LYPD6: variants seen among roughly 807,000 people sequenced by gnomAD.
LYPD6 encodes LY6/PLAUR domain containing 6, also known as ly6/PLAUR domain-containing protein 6.
A neutral mutation model predicts 22.7 loss-of-function variants in LYPD6; 15 were observed. That is an observed-to-expected ratio of 0.66 (90% CI 0.44 to 1.02). The LOEUF (loss-of-function observed/expected upper bound fraction) is 1.02, where lower values mean the gene tolerates loss of function less well. Ranked by LOEUF, LYPD6 falls within the 50% of genes least tolerant of loss-of-function variation. The probability of loss-of-function intolerance (pLI) is 0.00; values close to 1 mark genes in which losing one functional copy is unlikely to be tolerated. For synonymous variants in LYPD6, 72 were observed against 77.5 expected, an observed-to-expected ratio of 0.93 and a Z score of 0.37; for missense variants, 189 against 208.4, an observed-to-expected ratio of 0.91 and a Z score of 0.57.
At chr2:149,468,818 G>C in intron 4 of LYPD6, 43 bp downstream of exon 4, 2 of 1,604,310 alleles carry the variant, frequency 1.2e-6, no homozygotes, top group Non-Finnish European at 1.7e-6. Context: ...ATAGCCAGCT[G>C]CCTTCTCTTC....
chr2:149,386,407 T>C (rs998209227), intron 1 of LYPD6, among the ~76,000 whole-genome samples: 1 of 152,172 alleles, frequency 6.6e-6, no homozygotes. Context: ...TCCTCTTACC[T>C]CAGCTGCTAG....
chr2:149,418,762 C>T (rs1683018495), intron 1 of LYPD6, among the ~76,000 whole-genome samples: 1 of 152,220 alleles, frequency 6.6e-6, no homozygotes, highest in African/African-American at 2.4e-5. Context: ...CACCCTTCTT[C>T]AGCACCCAGC....
chr2:149,369,191 G>A (rs556772190), intron 1 of LYPD6, among the ~76,000 whole-genome samples: 2 of 152,134 alleles, frequency 1.3e-5, no homozygotes, highest in South Asian at 4.2e-4. Context: ...GGTTCCCGGG[G>A]TTACAGGCCA....
chr2:149,453,201 C>T (rs899413246), intron 3 of LYPD6, among the ~76,000 whole-genome samples: 14 of 152,180 alleles, frequency 9.2e-5, no homozygotes, highest in Admixed American at 1.3e-4. Flanking sequence ...AATCACATTA[C>T]GTTAGGAGCC....
chr2:149,411,552 T>A (rs1391208686), intron 1 of LYPD6, among the ~76,000 whole-genome samples: 1 of 152,164 alleles, frequency 6.6e-6, no homozygotes, highest in East Asian at 1.9e-4. Flanking sequence ...TCAAATCCAT[T>A]TTGCTAGTTA....
downstream of LYPD6, among the ~76,000 whole-genome samples, chr2:149,478,537 C>A (rs7601058): frequency 0.19 from 29,085 of 151,964 alleles, 4,428 homozygotes; most frequent in African/African-American, 0.41. Flanking sequence ...GATCCACCTG[C>A]CTCAGCCTCC....
intron 1 of LYPD6, among the ~76,000 whole-genome samples, chr2:149,348,828 T>C (rs1335612272): frequency 1.3e-5 from 2 of 152,056 alleles, no homozygotes; most frequent in East Asian, 1.9e-4. Flanking sequence ...GGAGACTAAA[T>C]AAGAGGCTGT....
chr2:149,445,519 C>G (rs970648933), intron 2 of LYPD6, among the ~76,000 whole-genome samples: 4 of 152,200 alleles, frequency 2.6e-5, no homozygotes, highest in African/African-American at 4.8e-5. Flanking sequence ...GTGATCGTAA[C>G]TAGATTTTCT....
intron 3 of LYPD6, among the ~76,000 whole-genome samples, chr2:149,460,486 G>A (rs1280153383): frequency 2.0e-5 from 3 of 152,036 alleles, no homozygotes; most frequent in Non-Finnish European, 4.4e-5. Flanking sequence ...AAAAATATGT[G>A]CAACAGAATA....
At chr2:149,339,204 C>T (rs926085041) in intron 1 of LYPD6, among the ~76,000 whole-genome samples, 5 of 152,280 alleles carry the variant, frequency 3.3e-5, no homozygotes, top group East Asian at 1.9e-4. Context: ...CCAAAGACTA[C>T]GTATAACCAG....
intron 1 of LYPD6, among the ~76,000 whole-genome samples, chr2:149,353,193 G>C (rs16826894): frequency 6.6e-6 from 1 of 152,106 alleles, no homozygotes; most frequent in African/African-American, 2.4e-5. Flanking sequence ...GAAAATGCTC[G>C]TGAAGTTCAA....
At chr2:149,399,602 T>C (rs1456454529) in intron 1 of LYPD6, among the ~76,000 whole-genome samples, 1 of 151,402 alleles carries the variant, frequency 6.6e-6, no homozygotes, top group Non-Finnish European at 1.5e-5. Context: ...TGGAGTAAAC[T>C]ATTGGCCCAG....
intron 1 of LYPD6, among the ~76,000 whole-genome samples, chr2:149,418,221 A>G (rs1403290873): frequency 3.3e-5 from 5 of 152,212 alleles, no homozygotes; most frequent in Admixed American, 6.5e-5. Context: ...TTTCCAGGCA[A>G]TATGGAAATT....
chr2:149,446,317 C>T (rs553203478), intron 2 of LYPD6, among the ~76,000 whole-genome samples: 20 of 152,212 alleles, frequency 1.3e-4, no homozygotes, highest in African/African-American at 3.9e-4. Context: ...GAAGTGAGCA[C>T]GTGCAATTGG....
In LYPD6 at chr2:149,473,030, A is replaced by G. The variant is rs1681378516; in HGVS notation, c.*2180A>G. On this transcript the variant is annotated 3_prime_UTR_variant, in exon 5 of 5. Transcript: ENST00000334166. ...GGCTTCCTCATTCATCCCTCTTGCT[A>G]AAAGAGGAGATAGTTGATGTTGCAT... 3 of 152,486 alleles carry G rather than the reference A, an allele frequency of 2.0e-5. No homozygotes were observed. The highest frequency in any genetic ancestry group is 6.5e-5 in the Admixed American group (1 of 15,270). 9.4% of individuals were successfully genotyped at this position (152,486 alleles called of 1,614,324 possible).
intron 1 of LYPD6, among the ~76,000 whole-genome samples, chr2:149,358,037 C>T (rs533444643): frequency 2.6e-4 from 40 of 152,272 alleles, no homozygotes; most frequent in South Asian, 1.9e-3. Flanking sequence ...CCGCCCGCTT[C>T]GGCCTCCCAG....
At chr2:149,470,654 C>T in intron 4 of LYPD6, 29 bp from the exon 5 acceptor site, 3 of 1,600,246 alleles carry the variant, frequency 1.9e-6, no homozygotes, top group Non-Finnish European at 1.7e-6. Context: ...GCTGGCTTCT[C>T]ATTATCTTTT....
intron 1 of LYPD6, among the ~76,000 whole-genome samples, chr2:149,407,779 A>G (rs1682755255): frequency 6.6e-6 from 1 of 152,196 alleles, no homozygotes; most frequent in Admixed American, 6.5e-5. Context: ...CTGGTGAGGA[A>G]CTGCATTCCT....
At chr2:149,351,400 A>G (rs900827683) in intron 1 of LYPD6, among the ~76,000 whole-genome samples, 42 of 151,046 alleles carry the variant, frequency 2.8e-4, no homozygotes, top group African/African-American at 9.2e-4. Flanking sequence ...TCTAAAAAAA[A>G]AAAAAAAAAA....
Sources: gnomAD v4.1 joint callset for allele counts (sites outside exome capture counted in the v4.1 genomes callset) on GRCh38, gnomAD v4.1.1 for gene constraint, MANE v1.5 for transcripts, NCBI Gene and HGNC (gene_info 2026-07-23, HGNC 2026-07-21) for gene names.